The following ZMYM1 variants were observed in gnomAD, a reference collection of about 807,000 sequenced individuals.
ZMYM1 encodes the protein zinc finger MYM-type protein 1.
ZMYM1 carries 39 observed loss-of-function variants against 60.0 expected under a neutral mutation model. That is an observed-to-expected ratio of 0.65 (90% CI 0.50 to 0.85). The LOEUF (loss-of-function observed/expected upper bound fraction) is 0.85. Among genes scored for constraint, ZMYM1 ranks in the 40% least tolerant of loss-of-function variants. ZMYM1 has a pLI of 0.00. For synonymous variants in ZMYM1, 413 were observed against 454.0 expected (o/e 0.91, Z 1.15); for missense variants, 1,171 against 1,309.5 (o/e 0.89, Z 1.63).
chr1:35,079,274 C>G (rs1222626497), upstream of ZMYM1: 1 of 152,314 alleles, frequency 6.6e-6, no homozygotes, highest in Non-Finnish European at 1.5e-5. Flanking sequence ...CCCACTTCTT[C>G]TATCCCAAAG....
chr1:35,091,665 T>C (rs1053815690), intron 1 of ZMYM1, among the ~76,000 whole-genome samples: 1 of 148,320 alleles, frequency 6.7e-6, no homozygotes, highest in African/African-American at 2.5e-5. Context: ...GAGGCTGAGG[T>C]GAGAGGATCA....
At chr1:35,088,289 G>A (rs1642767953) in intron 1 of ZMYM1, among the ~76,000 whole-genome samples, 4 of 151,386 alleles carry the variant, frequency 2.6e-5, no homozygotes, top group Middle Eastern at 3.4e-3. Context: ...TTGGTAGCAC[G>A]TGCCTGTAAT....
At chr1:35,093,845 T>C in intron 1 of ZMYM1, 69 bp from the exon 2 acceptor site, 1 of 551,038 alleles carries the variant, frequency 1.8e-6, no homozygotes, top group Admixed American at 3.6e-5. Flanking sequence ...CCTTTTGTGG[T>C]TCTAGAAAAT....
At chr1:35,091,404 G>A (rs1044561779) in intron 1 of ZMYM1, among the ~76,000 whole-genome samples, 1 of 152,016 alleles carries the variant, frequency 6.6e-6, no homozygotes, top group Admixed American at 6.6e-5. Context: ...TAGTAGAGAC[G>A]GGGTTTCACC....
chr1:35,113,448 T>G lies in ZMYM1; in HGVS notation c.1618T>G (p.Leu540Val). The G allele has an allele frequency of 1.2e-6, 2 of 1,613,750 alleles. No homozygotes were observed. Among genetic ancestry groups the G allele is most frequent in the Non-Finnish European group, 1.7e-6 (2 of 1,179,928 alleles). The change falls in exon 10 of 10, where the codon TTA becomes GTA. Residue 540 changes from leucine (L) to valine (V), a missense_variant. Transcript: ENST00000359858. The part of the protein sequence containing the change: ...QFCDGAVSDD[L>V]SIHSKQIEGN... ...TTGTGATGGAGCTGTCAGTGACGAT[T>G]TATCTATTCATTCGAAACAGATTGA... is the stretch of plus-strand genomic sequence containing the variant.
At chr1:35,086,501 A>G (rs1642661664) in intron 1 of ZMYM1, among the ~76,000 whole-genome samples, 1 of 151,910 alleles carries the variant, frequency 6.6e-6, no homozygotes, top group Non-Finnish European at 1.5e-5. Context: ...AATTTGTTCA[A>G]CTCTGTCTCC....
Position 35,093,948 on chromosome 1 carries a change from T to C in ZMYM1, c.-40T>C. 10 of 1,422,074 alleles carry C rather than the reference T, an allele frequency of 7.0e-6. No individual in the cohort carries two copies. The highest frequency in any genetic ancestry group is 9.6e-6 in the Non-Finnish European group (10 of 1,037,554). The allele number at this position is 1,422,074 out of a possible 1,614,324, so 88.1% of individuals were successfully genotyped here. A position where few individuals can be genotyped will look rare whatever the true frequency, so the allele number is the denominator to read the frequency against. The stretch of plus-strand genomic sequence containing the variant: ...AACTGTTCTTCAGGAAGAAACCCAT[T>C]AGTTTGGAACTGGAGAATTCCTTTG... On this transcript the variant is annotated 5_prime_UTR_variant, in exon 2 of 10. Transcript: ENST00000359858.
At chr1:35,060,154 T>G (rs1421298882) in intron 1 of ZMYM1, among the ~76,000 whole-genome samples, 2 of 134,462 alleles carry the variant, frequency 1.5e-5, no homozygotes, top group African/African-American at 7.0e-5. Flanking sequence ...TTATTATTAT[T>G]ATTATTATTA....
intron 1 of ZMYM1, among the ~76,000 whole-genome samples, chr1:35,088,176 T>C (rs958646007): frequency 5.9e-5 from 9 of 152,068 alleles, no homozygotes; most frequent in Admixed American, 5.3e-4. Context: ...TCCCAACACT[T>C]TGGGTGGCCG....
intron 1 of ZMYM1, among the ~76,000 whole-genome samples, chr1:35,062,555 T>C (rs10908323): frequency 0.2 from 30,595 of 152,248 alleles, 7,078 homozygotes; most frequent in African/African-American, 0.55. Flanking sequence ...TACACTGAAG[T>C]AGGAGATACC....
intron 1 of ZMYM1, among the ~76,000 whole-genome samples, chr1:35,090,756 G>A (rs3104444): frequency 0.03 from 4,572 of 152,192 alleles, 216 homozygotes; most frequent in African/African-American, 0.1. Context: ...AGACCAGCCT[G>A]ACCAACATGG....
intron 1 of ZMYM1, among the ~76,000 whole-genome samples, chr1:35,064,662 A>C (rs925438833): frequency 2.0e-5 from 3 of 150,828 alleles, no homozygotes; most frequent in Admixed American, 1.3e-4. Context: ...ATCTCCAAAC[A>C]TATGGAAATT....
intron 4 of ZMYM1, 142 bp downstream of exon 4, chr1:35,097,708 G>A (rs767833389): frequency 4.6e-5 from 45 of 981,488 alleles, no homozygotes; most frequent in Middle Eastern, 3.2e-4. Context: ...GCAGTGGCAC[G>A]ATCTCGGCTC....
chr1:35,102,530 A>G (rs1245942096), intron 4 of ZMYM1, among the ~76,000 whole-genome samples: 1 of 152,354 alleles, frequency 6.6e-6, no homozygotes, highest in East Asian at 1.9e-4. Flanking sequence ...GGAAGATACA[A>G]GTTTTCCAAA....
Position 35,095,820 on chromosome 1 carries a change from A to T in ZMYM1, c.98A>T (p.Glu33Val). 2 of 1,582,650 alleles carry T rather than the reference A, an allele frequency of 1.3e-6. No individual in the cohort carries two copies. The highest frequency in any genetic ancestry group is 1.7e-6 in the Non-Finnish European group (2 of 1,166,472). Residue 33 changes from glutamate (E) to valine (V), a missense_variant and splice_region_variant, in exon 3 of 10, where the codon GAG (glutamate) becomes GTG (valine). Physicochemically the swap from Glu to Val is moderately radical, Grantham distance 121. Transcript: ENST00000359858. ...TTATTATTTTTTTTTTCTTTTTAGG[A>T]GTATTGTCATAGGCAACAGTCCAGA... ...EIKTEPDNAQ[E>V]YCHRQQSRTQ...
downstream of ZMYM1, among the ~76,000 whole-genome samples, chr1:35,117,349 G>T (rs1188448765): frequency 6.6e-6 from 1 of 151,742 alleles, no homozygotes; most frequent in East Asian, 2.0e-4. Flanking sequence ...ACGGAGTCTC[G>T]CTCTGTTGCC....
intron 4 of ZMYM1, among the ~76,000 whole-genome samples, chr1:35,098,334 G>A (rs980209544): frequency 2.6e-5 from 4 of 152,184 alleles, no homozygotes; most frequent in African/African-American, 9.7e-5. Flanking sequence ...GAGAATGTGT[G>A]AAGAATCAGT....
chr1:35,099,415 T>C (rs927176900), intron 4 of ZMYM1, among the ~76,000 whole-genome samples: 1 of 152,140 alleles, frequency 6.6e-6, no homozygotes, highest in Non-Finnish European at 1.5e-5. Flanking sequence ...CCCAGACAGA[T>C]TGAAAAAGGC....
chr1:35,104,009 G>A (rs372079497), intron 4 of ZMYM1, among the ~76,000 whole-genome samples: 3 of 152,230 alleles, frequency 2.0e-5, no homozygotes, highest in African/African-American at 7.2e-5. Flanking sequence ...ATTGAGGTGG[G>A]AGAATCTCTT....
Sources: allele counts gnomAD v4.1 joint callset (sites outside exome capture counted in the v4.1 genomes callset), GRCh38; gene constraint gnomAD v4.1.1; transcripts MANE v1.5; gene names NCBI Gene and HGNC (gene_info 2026-07-23, HGNC 2026-07-21).